Variants in FAF1 observed in about 807,000 individuals in gnomAD.
The protein encoded by FAF1 is FAS-associated factor 1.
A neutral mutation model predicts 92.5 loss-of-function variants in FAF1; 25 were observed. The ratio of observed to expected loss-of-function variants is 0.27; its 90% CI spans 0.20 to 0.38. FAF1 has a LOEUF of 0.38. Among genes scored for constraint, FAF1 ranks in the 10% least tolerant of loss-of-function variants. The pLI is 1.00. For synonymous variants in FAF1, 234 were observed against 273.2 expected, an observed-to-expected ratio of 0.86 and a Z score of 1.42; for missense variants, 636 against 793.3, an observed-to-expected ratio of 0.80 and a Z score of 2.38.
chr1:50,466,304 C>A (rs1426729488), intron 18 of FAF1, among the ~76,000 whole-genome samples: 1 of 152,118 alleles, frequency 6.6e-6, no homozygotes, highest in Non-Finnish European at 1.5e-5. Flanking sequence ...AAGAATGAAG[C>A]TGCCATTTAA....
chr1:50,745,341 A>G (rs1659544479), intron 4 of FAF1, among the ~76,000 whole-genome samples: 1 of 152,162 alleles, frequency 6.6e-6, no homozygotes, highest in Admixed American at 6.5e-5. Flanking sequence ...TAATATATAG[A>G]TAATAATATA....
intron 4 of FAF1, among the ~76,000 whole-genome samples, chr1:50,781,304 GAAAA>G (rs1172895918): frequency 2.3e-4 from 31 of 135,906 alleles, no homozygotes; most frequent in African/African-American, 7.4e-4. Context: ...ACTTCAAAAA[GAAAA>G]AAAAAAAGAT....
At chr1:50,615,551 T>G (rs1030985823) in intron 8 of FAF1, among the ~76,000 whole-genome samples, 4 of 152,234 alleles carry the variant, frequency 2.6e-5, no homozygotes, top group Non-Finnish European at 5.9e-5. Context: ...TTTCTGACTT[T>G]TTAATATAGT....
intron 17 of FAF1, among the ~76,000 whole-genome samples, chr1:50,487,864 T>A (rs910964410): frequency 2.0e-5 from 3 of 152,166 alleles, no homozygotes; most frequent in Admixed American, 6.5e-5. Flanking sequence ...CGGCTTCTGA[T>A]CCAGATTAGG....
At chr1:50,904,869 C>T (rs1644823081) in intron 1 of FAF1, among the ~76,000 whole-genome samples, 1 of 151,578 alleles carries the variant, frequency 6.6e-6, no homozygotes, top group Non-Finnish European at 1.5e-5. Flanking sequence ...ATAATATTTC[C>T]TATTTTTTTC....
chr1:50,774,319 A>G (rs1660877772), intron 4 of FAF1, among the ~76,000 whole-genome samples: 1 of 152,198 alleles, frequency 6.6e-6, no homozygotes, highest in South Asian at 2.1e-4. Flanking sequence ...TTACTCATAA[A>G]GCATGGCTGA....
chr1:50,707,928 G>A (rs901959175), intron 6 of FAF1, among the ~76,000 whole-genome samples: 2 of 152,094 alleles, frequency 1.3e-5, no homozygotes, highest in Non-Finnish European at 2.9e-5. Flanking sequence ...TTGATGACTT[G>A]CACTGTTCCA....
chr1:50,788,121 T>C lies in FAF1; in HGVS notation c.246A>G (p.Ser82=). 1 of 1,614,124 alleles carries C rather than the reference T, an allele frequency of 6.2e-7. No homozygotes were observed. Among genetic ancestry groups the C allele is most frequent in the Non-Finnish European group, 8.5e-7 (1 of 1,179,994 alleles). ...TGGATGGCATTACAGGTCGAAACGCTGAAGAAGAAGAGGAAGTAGGAGCTG... is the reference window on the plus strand; with the variant it reads ...TGGATGGCATTACAGGTCGAAACGCCGAAGAAGAAGAGGAAGTAGGAGCTG... The part of the protein sequence containing the change: ...PASAPTSSSS[S]AFRPVMPSRQ... The change falls in exon 4 of 19, where the codon TCA becomes TCG. Residue 82 remains serine (S), a synonymous_variant. Coordinates refer to ENST00000396153, the MANE Select transcript of FAF1 (RefSeq NM_007051.3).
At chr1:50,753,488 T>A (rs1171226047) in intron 4 of FAF1, among the ~76,000 whole-genome samples, 1 of 152,222 alleles carries the variant, frequency 6.6e-6, no homozygotes, top group African/African-American at 2.4e-5. Context: ...ATGCCTCCAT[T>A]TCTCTTGAGA....
intron 7 of FAF1, among the ~76,000 whole-genome samples, chr1:50,664,712 T>C (rs1273022774): frequency 1.3e-5 from 2 of 152,194 alleles, no homozygotes; most frequent in Non-Finnish European, 2.9e-5. Flanking sequence ...GAGAATAGCG[T>C]GAACCCAGGA....
intron 1 of FAF1, among the ~76,000 whole-genome samples, 157 bp from the exon 2 acceptor site, chr1:50,858,154 A>G (rs1047258970): frequency 6.6e-6 from 1 of 151,916 alleles, no homozygotes; most frequent in African/African-American, 2.4e-5. Context: ...AGCATTTTAC[A>G]TATATGGTGT....
At chr1:50,933,922 C>T (rs566953945) in intron 1 of FAF1, among the ~76,000 whole-genome samples, 10 of 152,240 alleles carry the variant, frequency 6.6e-5, no homozygotes, top group South Asian at 2.1e-4. Flanking sequence ...TTCACTATCA[C>T]GAGAATAGCA....
chr1:50,685,973 C>T (rs780453435), intron 7 of FAF1, among the ~76,000 whole-genome samples: 2 of 152,186 alleles, frequency 1.3e-5, no homozygotes, highest in African/African-American at 2.4e-5. Context: ...GCTTTCCTAA[C>T]AGGCTAATTA....
intron 6 of FAF1, among the ~76,000 whole-genome samples, chr1:50,722,488 A>G (rs2124456661): frequency 6.6e-6 from 1 of 152,214 alleles, no homozygotes; most frequent in Admixed American, 6.5e-5. Context: ...CTCTACTAAA[A>G]ATACAAAAAC....
At chr1:50,471,221 T>C (rs533477693) in intron 18 of FAF1, 1 of 152,250 alleles carries the variant, frequency 6.6e-6, no homozygotes, top group Non-Finnish European at 1.5e-5. Context: ...TTCATCTAGA[T>C]GTAGCTTCTG....
intron 4 of FAF1, among the ~76,000 whole-genome samples, chr1:50,752,120 C>T (rs112247206): frequency 0.23 from 34,544 of 152,102 alleles, 4,373 homozygotes; most frequent in Middle Eastern, 0.43. Context: ...CAGGCGCGTG[C>T]CACCACACCC....
At chr1:50,754,159 A>C (rs924493856) in intron 4 of FAF1, among the ~76,000 whole-genome samples, 30 of 152,094 alleles carry the variant, frequency 2.0e-4, no homozygotes, top group Admixed American at 1.9e-3. Flanking sequence ...CGTGCCTGGT[A>C]ATTTTTTATT....
intron 1 of FAF1, among the ~76,000 whole-genome samples, chr1:50,901,558 G>GGA (rs1644796411): frequency 6.8e-6 from 1 of 146,830 alleles, no homozygotes; most frequent in African/African-American, 2.5e-5. Context: ...AATTTAAAAA[G>GGA]AAAAAAAAAA....
chr1:50,602,640 C>T (rs1238779410), intron 8 of FAF1, among the ~76,000 whole-genome samples: 2 of 151,732 alleles, frequency 1.3e-5, no homozygotes, highest in Non-Finnish European at 2.9e-5. Flanking sequence ...GTACCTGGGA[C>T]TACAGGTGCA....
Sources: gnomAD v4.1 joint callset for allele counts (sites outside exome capture counted in the v4.1 genomes callset) on GRCh38, gnomAD v4.1.1 for gene constraint, MANE v1.5 for transcripts, NCBI Gene and HGNC (gene_info 2026-07-23, HGNC 2026-07-21) for gene names.